ERI3: variants seen among roughly 807,000 people sequenced by gnomAD.
ERI3 encodes the protein ERI1 exoribonuclease family member 3, also known as ERI1 exoribonuclease 3.
In ERI3, 18 loss-of-function variants were observed where a neutral mutation model predicts 44.4. The observed-to-expected ratio is 0.41, with a 90% CI of 0.28 to 0.60. The LOEUF (loss-of-function observed/expected upper bound fraction) is 0.60, where lower values mean the gene tolerates loss of function less well. ERI3 is among the 20% of genes least tolerant of loss of function. The pLI is 0.36. For missense variants in ERI3, 294 were observed against 435.5 expected (o/e 0.68, Z 2.89); for synonymous variants, 183 against 164.8 (o/e 1.11, Z -0.84).
intron 2 of ERI3, among the ~76,000 whole-genome samples, chr1:44,341,928 C>G (rs1646662402): frequency 6.6e-6 from 1 of 152,018 alleles, no homozygotes; most frequent in Admixed American, 6.6e-5. Flanking sequence ...AAAAACTTCT[C>G]TCGTAGGAAG....
intron 5 of ERI3, 61 bp downstream of exon 5, chr1:44,313,108 G>A: frequency 7.2e-7 from 1 of 1,386,582 alleles, no homozygotes; most frequent in South Asian, 1.2e-5. Context: ...CTCAGGAGGG[G>A]AGGGAGAGAA....
At chr1:44,243,533 C>T (rs893501263) in intron 8 of ERI3, 1 of 152,200 alleles carries the variant, frequency 6.6e-6, no homozygotes. Context: ...GTTTTGAACA[C>T]TCATACTGGG....
At chr1:44,286,815 T>A (rs1645403188) in intron 6 of ERI3, among the ~76,000 whole-genome samples, 1 of 152,174 alleles carries the variant, frequency 6.6e-6, no homozygotes, top group Admixed American at 6.5e-5. Context: ...ACAGAACCCT[T>A]CCAAGATCTG....
At chr1:44,313,852 G>C (rs558074167) in intron 4 of ERI3, among the ~76,000 whole-genome samples, 1 of 152,202 alleles carries the variant, frequency 6.6e-6, no homozygotes, top group East Asian at 1.9e-4. Flanking sequence ...TAACCAATGG[G>C]GAAACTAAGA....
intron 3 of ERI3, among the ~76,000 whole-genome samples, chr1:44,331,266 A>G (rs1000692516): frequency 1.3e-5 from 2 of 152,044 alleles, no homozygotes; most frequent in African/African-American, 4.8e-5. Context: ...GGTCTATTGA[A>G]GGTAGGTCCT....
rs5773826 is a variant in ERI3 at position 44,315,983 on chromosome 1, C to CTTT, written c.607-2758_607-2756dup. ...CTTATGCAACATAGAGAGACCCCATCTTTTTTTTTTTTTTTTAAGTAAAAA... is the reference window on the plus strand; with the variant it reads ...CTTATGCAACATAGAGAGACCCCATCTTTTTTTTTTTTTTTTTTTAAGTAAAAA... On this transcript the variant is annotated intron_variant, in intron 4 of 8. Transcript: ENST00000372257. Among the ~76,000 whole-genome samples, 9 of 145,862 alleles carry CTTT rather than the reference C, an allele frequency of 6.2e-5. 1 individual carries two copies. The highest frequency in any genetic ancestry group is 2.3e-4 in the African/African-American group (9 of 39,874).
chr1:44,276,770 T>C (rs1645187856), intron 7 of ERI3, among the ~76,000 whole-genome samples: 1 of 152,204 alleles, frequency 6.6e-6, no homozygotes, highest in Middle Eastern at 3.2e-3. Flanking sequence ...CCATAATCCA[T>C]CTTGCCAACT....
intron 7 of ERI3, among the ~76,000 whole-genome samples, chr1:44,262,100 G>A (rs898857678): frequency 2.0e-5 from 3 of 152,100 alleles, no homozygotes; most frequent in African/African-American, 4.8e-5. Flanking sequence ...GTGAAAGTAG[G>A]TGTCCCTCAG....
At position 44,221,919 on chromosome 1, in the gene ERI3, G is replaced by A. The variant is rs1055329658; in HGVS notation, c.932-279C>T. Among the ~76,000 whole-genome samples, 5 of 152,220 alleles carry A rather than the reference G, an allele frequency of 3.3e-5. No individual in the cohort carries two copies. Among genetic ancestry groups the A allele is most frequent in the East Asian group, 1.9e-4 (1 of 5,188 alleles). On this transcript the variant is annotated intron_variant, in intron 8 of 8. Transcript: ENST00000372257. The surrounding 1 kb of genome is among the most constrained non-coding windows in gnomAD (Gnocchi z 5.9). ...CCAGCCCCAGCGGTGATGTATGGGC[G>A]CCGTCGCAGTAAGAAAAAGGCAGAG...
chr1:44,233,529 G>C (rs1644235664), intron 8 of ERI3, among the ~76,000 whole-genome samples: 1 of 151,636 alleles, frequency 6.6e-6, no homozygotes, highest in South Asian at 2.1e-4. Context: ...TTAGCCTCCA[G>C]AGTAGCTGGG....
chr1:44,274,353 G>C (rs912232697), intron 7 of ERI3, among the ~76,000 whole-genome samples: 1 of 152,182 alleles, frequency 6.6e-6, no homozygotes, highest in Non-Finnish European at 1.5e-5. Context: ...CCGATGCAGT[G>C]AGACATTTTA....
intron 6 of ERI3, among the ~76,000 whole-genome samples, chr1:44,288,682 A>T (rs191000158): frequency 6.6e-6 from 1 of 152,332 alleles, no homozygotes; most frequent in East Asian, 1.9e-4. Context: ...CATAAGCTGT[A>T]TAGATACACT....
chr1:44,242,742 C>A (rs1351647394), intron 8 of ERI3, among the ~76,000 whole-genome samples: 1 of 152,186 alleles, frequency 6.6e-6, no homozygotes, highest in Admixed American at 6.5e-5. Flanking sequence ...TCAGAAGGAA[C>A]TCCCTGCTGG....
chr1:44,231,003 A>G (rs1200896569), intron 8 of ERI3, among the ~76,000 whole-genome samples: 1 of 152,242 alleles, frequency 6.6e-6, no homozygotes, highest in African/African-American at 2.4e-5. Flanking sequence ...AGATTGTGCA[A>G]TATTTGCATA....
intron 2 of ERI3, among the ~76,000 whole-genome samples, chr1:44,340,018 T>C (rs1646618901): frequency 6.6e-6 from 1 of 152,100 alleles, no homozygotes; most frequent in Non-Finnish European, 1.5e-5. Context: ...TTTGCTGCCT[T>C]AGACTCGGTC....
At chr1:44,224,802 A>G in intron 8 of ERI3, among the ~76,000 whole-genome samples, 1 of 152,168 alleles carries the variant, frequency 6.6e-6, no homozygotes, top group Non-Finnish European at 1.5e-5. Context: ...ACTTGTTGCA[A>G]CTGGCCCACT....
At chr1:44,288,968 C>A (rs985670049) in intron 6 of ERI3, among the ~76,000 whole-genome samples, 1 of 152,208 alleles carries the variant, frequency 6.6e-6, no homozygotes, top group Non-Finnish European at 1.5e-5. Flanking sequence ...CACAAACGTG[C>A]AGGCAGGTTT....
intron 6 of ERI3, among the ~76,000 whole-genome samples, chr1:44,293,706 G>A (rs1224140955): frequency 1.3e-5 from 2 of 152,256 alleles, no homozygotes; most frequent in South Asian, 4.1e-4. Flanking sequence ...AAGCAGTAAA[G>A]CCAGGAATCG....
At chr1:44,314,558 C>G (rs1173857546) in intron 4 of ERI3, among the ~76,000 whole-genome samples, 2 of 152,184 alleles carry the variant, frequency 1.3e-5, no homozygotes, top group African/African-American at 2.4e-5. Context: ...CATGCCCACC[C>G]GGCTGGCACC....
Sources: gnomAD v4.1 joint callset for allele counts (sites outside exome capture counted in the v4.1 genomes callset) on GRCh38, gnomAD v4.1.1 for gene constraint, Gnocchi (gnomAD v3.1) non-coding constraint, MANE v1.5 for transcripts, NCBI Gene and HGNC (gene_info 2026-07-23, HGNC 2026-07-21) for gene names.